Variants in MTA3 observed in about 807,000 individuals in gnomAD.
The protein encoded by MTA3 is metastasis-associated protein MTA3.
Under a neutral mutation model 83.5 loss-of-function variants are expected in MTA3, and 34 were observed. The ratio of observed to expected loss-of-function variants is 0.41; its 90% CI spans 0.31 to 0.54. MTA3 has a LOEUF of 0.54. Among genes scored for constraint, MTA3 ranks in the 20% least tolerant of loss-of-function variants. The pLI, the probability that MTA3 is intolerant of heterozygous loss-of-function variation, is 0.33. For synonymous variants in MTA3, 303 were observed against 252.7 expected, an observed-to-expected ratio of 1.20 and a Z score of -1.89; for missense variants, 761 against 726.4, an observed-to-expected ratio of 1.05 and a Z score of -0.55.
At chr2:42,560,254 T>G (rs1205020290) in intron 2 of MTA3, among the ~76,000 whole-genome samples, 2 of 147,872 alleles carry the variant, frequency 1.4e-5, no homozygotes, top group Non-Finnish European at 3.0e-5. Flanking sequence ...ACTCCTGACC[T>G]GAGGTGATCT....
rs138682990 is a variant in MTA3 at position 42,532,951 on chromosome 2, C to G, written c.-140-37486C>G. 4 of 229,110 alleles carry G rather than the reference C, an allele frequency of 1.7e-5. No individual in the cohort carries two copies. In the East Asian group the frequency reaches 4.7e-4, roughly 27 times the overall value. 14.2% of individuals were successfully genotyped at this position (229,110 alleles called of 1,614,324 possible). A position where few individuals can be genotyped will look rare whatever the true frequency, so the allele number is the denominator to read the frequency against. ...GGAAGCTCTCTCAGCTCAGAGAGTG[C>G]TTAATGTGCTCAATATGCACATTAA... is the stretch of plus-strand genomic sequence containing the variant. On this transcript the variant is annotated intron_variant, in intron 2 of 17. Transcript: ENST00000405592.
chr2:42,600,197 CAAAAA>C (rs928104506), intron 3 of MTA3, among the ~76,000 whole-genome samples: 5 of 151,774 alleles, frequency 3.3e-5, no homozygotes, highest in Non-Finnish European at 5.9e-5. Context: ...GACTCTGTCT[CAAAAA>C]AAACAAAACA....
Position 42,754,301 on chromosome 2 carries a change from CT to C in MTA3, c.*903del, listed in dbSNP as rs1670093732. 1.0e-6 allele frequency: 1 copy of C among 985,368 alleles called. No homozygotes were observed. The highest frequency in any genetic ancestry group is 6.1e-5 in the Admixed American group (1 of 16,272). The allele number at this position is 985,368 out of a possible 1,614,324, so 61.0% of individuals were successfully genotyped here. A position where few individuals can be genotyped will look rare whatever the true frequency, so the allele number is the denominator to read the frequency against. Reference sequence around the variant, plus strand: ...CCTAGTTTCATTTTAAGCAGACAGACTCTGTTTGGCCTAGAGGTGTGGAGTG... The same window carrying C: ...CCTAGTTTCATTTTAAGCAGACAGACCTGTTTGGCCTAGAGGTGTGGAGTG... On this transcript the variant is annotated 3_prime_UTR_variant, in exon 17 of 17. Coordinates refer to ENST00000405094, the MANE Select transcript of MTA3 (RefSeq NM_001330442.2).
At chr2:42,510,257 C>T (rs1674834601) in intron 2 of MTA3, among the ~76,000 whole-genome samples, 2 of 145,782 alleles carry the variant, frequency 1.4e-5, no homozygotes, top group Non-Finnish European at 3.0e-5. Context: ...ACCCAGGAGG[C>T]GGAGGTTGCA....
intron 2 of MTA3, among the ~76,000 whole-genome samples, chr2:42,504,682 A>G (rs1674549310): frequency 6.8e-6 from 1 of 146,906 alleles, no homozygotes; most frequent in Admixed American, 6.8e-5. Context: ...TTTTTTGTAG[A>G]GATGTGGTCT....
At chr2:42,697,864 G>C in intron 11 of MTA3, 30 bp downstream of exon 11, 1 of 1,435,474 alleles carries the variant, frequency 7.0e-7, no homozygotes, top group Non-Finnish European at 9.3e-7. Flanking sequence ...TAAAATATTT[G>C]TTTTGGTCTT....
intron 4 of MTA3, among the ~76,000 whole-genome samples, chr2:42,631,688 T>C (rs920114196): frequency 6.6e-6 from 1 of 152,206 alleles, no homozygotes; most frequent in Non-Finnish European, 1.5e-5. Flanking sequence ...TTTTGTATTA[T>C]TATTTTATTA....
Position 42,556,755 on chromosome 2 carries a change from G to A in MTA3, c.-140-13682G>A, listed in dbSNP as rs112711817. 1.8e-3 allele frequency among the ~76,000 whole-genome samples: 270 copies of A among 152,288 alleles called. 5 individuals carry two copies. Among genetic ancestry groups the A allele is most frequent in the African/African-American group, 6.2e-3 (259 of 41,560 alleles). On this transcript the variant is annotated intron_variant, in intron 2 of 17. Coordinates refer to the MTA3 transcript ENST00000405592. ...AGATCTGAGGGGCCTTTGAGGGGCT[G>A]TATTGGTGGGGGGAATGGGAAGAGG... is the stretch of plus-strand genomic sequence containing the variant.
intron 16 of MTA3, among the ~76,000 whole-genome samples, chr2:42,733,849 C>A (rs966522639): frequency 6.6e-6 from 1 of 152,040 alleles, no homozygotes; most frequent in African/African-American, 2.4e-5. Context: ...TCCAATATTC[C>A]TGTTGTTATT....
chr2:42,582,190 T>A (rs901420057), intron 3 of MTA3, among the ~76,000 whole-genome samples: 1 of 152,144 alleles, frequency 6.6e-6, no homozygotes, highest in Admixed American at 6.5e-5. Flanking sequence ...CCCGAGAAGC[T>A]GGGACTACAG....
chr2:42,704,380 C>T (rs1665882570), intron 12 of MTA3, 62 bp downstream of exon 12: 3 of 1,598,712 alleles, frequency 1.9e-6, no homozygotes, highest in South Asian at 2.2e-5. Flanking sequence ...GGGGTGTGAG[C>T]GTCTGGGAAG....
intron 3 of MTA3, among the ~76,000 whole-genome samples, chr2:42,605,744 C>A (rs1312205861): frequency 9.3e-6 from 1 of 107,462 alleles, no homozygotes; most frequent in South Asian, 3.8e-4. Context: ...CTGGATGGGG[C>A]GGCTGGCCGG....
intron 3 of MTA3, among the ~76,000 whole-genome samples, chr2:42,589,237 T>C (rs1306453725): frequency 1.3e-5 from 2 of 152,190 alleles, no homozygotes; most frequent in African/African-American, 2.4e-5. Context: ...AAATATACGT[T>C]TGTGTTTTAA....
chr2:42,654,169 G>T (rs542599078), intron 6 of MTA3, among the ~76,000 whole-genome samples: 1 of 152,168 alleles, frequency 6.6e-6, no homozygotes, highest in Non-Finnish European at 1.5e-5. Context: ...TTGGCAGTTG[G>T]CTCTCTGGTT....
intron 8 of MTA3, among the ~76,000 whole-genome samples, chr2:42,676,508 G>T (rs1573581018): frequency 6.6e-6 from 1 of 152,296 alleles, no homozygotes; most frequent in African/African-American, 2.4e-5. Context: ...GCTCATGCTT[G>T]TAATCCCAGC....
At chr2:42,725,467 T>A (rs1277814843) in intron 16 of MTA3, among the ~76,000 whole-genome samples, 3 of 152,216 alleles carry the variant, frequency 2.0e-5, no homozygotes, top group Non-Finnish European at 4.4e-5. Flanking sequence ...CAACAGCTAA[T>A]TTCATAAAAG....
At position 42,653,409 on chromosome 2, in the gene MTA3, C is replaced by T. The variant is rs553409084; in HGVS notation, c.500-2791C>T. Among the ~76,000 whole-genome samples, 5 of 152,020 alleles carry T rather than the reference C, an allele frequency of 3.3e-5. No homozygotes were observed. The South Asian group carries it at 6.2e-4, about 19-fold the overall frequency. ...GGGCCATTCCAAAGATTGCTGCTAGCGTAGCTGAAAAAAACTTAATTATAA... is the reference window on the plus strand; with the variant it reads ...GGGCCATTCCAAAGATTGCTGCTAGTGTAGCTGAAAAAAACTTAATTATAA... On this transcript the variant is annotated intron_variant, in intron 6 of 16. Transcript: ENST00000405094.
At chr2:42,541,551 A>T (rs138481077) in intron 2 of MTA3, among the ~76,000 whole-genome samples, 1 of 152,168 alleles carries the variant, frequency 6.6e-6, no homozygotes, top group East Asian at 1.9e-4. Context: ...ACTGTAGACT[A>T]CTATGTGTTC....
Position 42,520,961 on chromosome 2 carries a change from G to A in MTA3, c.-141+25707G>A, listed in dbSNP as rs1399330713. On this transcript the variant is annotated intron_variant, in intron 2 of 17. Coordinates refer to the MTA3 transcript ENST00000405592. ...GATAAATATCTCTTTCCTCTCTCCC[G>A]GCATCTCTTAGAACTAACAAATGGC... Among the ~76,000 whole-genome samples the A allele has an allele frequency of 1.3e-5, 2 of 151,926 alleles. 1 individual carries two copies. The highest frequency in any genetic ancestry group is 1.3e-4 in the Admixed American group (2 of 15,226).
Sources: gnomAD v4.1 joint callset for allele counts (sites outside exome capture counted in the v4.1 genomes callset) on GRCh38, gnomAD v4.1.1 for gene constraint, MANE v1.5 for transcripts, NCBI Gene and HGNC (gene_info 2026-07-23, HGNC 2026-07-21) for gene names.